The following TSNARE1 variants were observed in gnomAD, a reference collection of about 807,000 sequenced individuals.
The protein encoded by TSNARE1 is t-SNARE domain-containing protein 1.
A neutral mutation model predicts 62.0 loss-of-function variants in TSNARE1; 49 were observed. The ratio of observed to expected loss-of-function variants is 0.79; its 90% CI spans 0.63 to 1.00. The LOEUF (loss-of-function observed/expected upper bound fraction) is 1.00, where lower values mean the gene tolerates loss of function less well. Among genes scored for constraint, TSNARE1 ranks in the 50% least tolerant of loss-of-function variants. The pLI, the probability that TSNARE1 is intolerant of heterozygous loss-of-function variation, is 0.00. For missense variants in TSNARE1, 755 were observed against 700.1 expected (o/e 1.08, Z -0.88); for synonymous variants, 328 against 294.4 (o/e 1.11, Z -1.17).
intron 1 of TSNARE1, among the ~76,000 whole-genome samples, chr8:142,380,922 C>T (rs1836695523): frequency 6.6e-6 from 1 of 152,080 alleles, no homozygotes; most frequent in Admixed American, 6.5e-5. Flanking sequence ...CTTCCATTGC[C>T]CTTCTCTCCT....
chr8:142,367,612 G>C (rs1012526889), intron 1 of TSNARE1, among the ~76,000 whole-genome samples: 12 of 152,194 alleles, frequency 7.9e-5, no homozygotes, highest in African/African-American at 2.9e-4. Flanking sequence ...TGATAGTAAT[G>C]AATGTACAAC....
intron 10 of TSNARE1, among the ~76,000 whole-genome samples, chr8:142,294,357 C>CCCT (rs1824323669): frequency 6.6e-6 from 1 of 152,332 alleles, no homozygotes; most frequent in East Asian, 1.9e-4. Flanking sequence ...GTCCTTCACG[C>CCCT]CCTCACCCAC....
At chr8:142,293,136 C>T (rs1032130502) in intron 10 of TSNARE1, among the ~76,000 whole-genome samples, 4 of 152,214 alleles carry the variant, frequency 2.6e-5, no homozygotes, top group Non-Finnish European at 4.4e-5. Flanking sequence ...GCAGCCGCAC[C>T]GCAGGCCATC....
rs190684358 is a variant in TSNARE1 at position 142,215,135 on chromosome 8, G to A, written c.*12-2822C>T. Among the ~76,000 whole-genome samples, 462 of 152,310 alleles carry A rather than the reference G, an allele frequency of 3.0e-3. 1 individual carries two copies. Among genetic ancestry groups the A allele is most frequent in the Non-Finnish European group, 5.4e-3 (365 of 68,026 alleles). The stretch of plus-strand genomic sequence containing the variant: ...CCCGGGCCCAGGCCAGGGCCCGCAC[G>A]GACACCATGAATGCGTATTGATCGA... On this transcript the variant is annotated intron_variant, in intron 13 of 13. Transcript: ENST00000524325.
At chr8:142,275,582 C>T (rs1820334997) in intron 11 of TSNARE1, 2 of 985,396 alleles carry the variant, frequency 2.0e-6, no homozygotes, top group South Asian at 4.7e-5. Flanking sequence ...GCACCAGGAG[C>T]GCAGGCACAG....
chr8:142,377,008 G>A (rs1436202609), intron 1 of TSNARE1, among the ~76,000 whole-genome samples: 1 of 152,224 alleles, frequency 6.6e-6, no homozygotes, highest in Non-Finnish European at 1.5e-5. Flanking sequence ...CCACACCTCA[G>A]GCCTGCCCTC....
At position 142,311,289 on chromosome 8, in the gene TSNARE1, A is replaced by ATTTTTTTTTTTTTTTTTTT. The variant is rs1827542114; in HGVS notation, c.1131+3094_1131+3095insAAAAAAAAAAAAAAAAAAA. Among the ~76,000 whole-genome samples, 2 of 68,800 alleles carry ATTTTTTTTTTTTTTTTTTT rather than the reference A, an allele frequency of 2.9e-5. 1 individual carries two copies. Among genetic ancestry groups the ATTTTTTTTTTTTTTTTTTT allele is most frequent in the Non-Finnish European group, 5.2e-5 (2 of 38,806 alleles). 45.1% of individuals were successfully genotyped at this position (68,800 alleles called of 152,430 possible). ...GCGATTCTCCTGCCTCAGCCTCTCT[A>ATTTTTTTTTTTTTTTTTTT]GTTTTTTTTTTTTTTTTTTTTTTTT... On this transcript the variant is annotated intron_variant, in intron 9 of 13. Transcript: ENST00000524325.
intron 13 of TSNARE1, among the ~76,000 whole-genome samples, chr8:142,222,962 A>T (rs1268719047): frequency 1.8e-4 from 27 of 150,886 alleles, no homozygotes; most frequent in African/African-American, 6.4e-4. Flanking sequence ...CCACTCACTC[A>T]CTCATTCACT....
chr8:142,403,218 C>G (rs1404990081), upstream of TSNARE1: 1 of 150,694 alleles, frequency 6.6e-6, no homozygotes, highest in Non-Finnish European at 1.5e-5. Context: ...CGCGCCCCCT[C>G]CCGCACCAGC....
chr8:142,229,716 G>A, intron 12 of TSNARE1, 137 bp from the exon 13 acceptor site: 1 of 694,002 alleles, frequency 1.4e-6, no homozygotes, highest in Non-Finnish European at 2.5e-6. Context: ...GAGAGAACCT[G>A]TGTCTTTCAA....
intron 1 of TSNARE1, among the ~76,000 whole-genome samples, chr8:142,377,803 C>T (rs1243386561): frequency 6.6e-6 from 1 of 152,170 alleles, no homozygotes; most frequent in Non-Finnish European, 1.5e-5. Context: ...AAGCTGGAAG[C>T]ACTGGAAACA....
chr8:142,300,666 T>C (rs376261474), intron 9 of TSNARE1, 22 bp from the exon 10 acceptor site: 1 of 1,601,854 alleles, frequency 6.2e-7, no homozygotes, highest in Non-Finnish European at 8.5e-7. Flanking sequence ...AGACAGATCT[T>C]GTTAGCACTG....
Position 142,237,017 on chromosome 8 carries a change from G to C in TSNARE1, c.1447-7438C>G, listed in dbSNP as rs116868021. ...GAAGGGAAGAGCCCATGGTTATGAG[G>C]GGGGAGCTTTTTAGGCAATCAAAAG... On this transcript the variant is annotated intron_variant, in intron 12 of 13. Coordinates refer to ENST00000524325, the MANE Select transcript of TSNARE1 (RefSeq NM_145003.5). Among the ~76,000 whole-genome samples, 1,430 of 152,288 alleles carry C rather than the reference G, an allele frequency of 9.4e-3. 8 individuals are homozygous for C. Among genetic ancestry groups the C allele is most frequent in the Middle Eastern group, 0.017 (5 of 294 alleles).
At chr8:142,263,689 G>A (rs577637984) in intron 12 of TSNARE1, among the ~76,000 whole-genome samples, 122 of 152,310 alleles carry the variant, frequency 8.0e-4, no homozygotes, top group African/African-American at 2.6e-3. Context: ...AATGACTGAG[G>A]CTATTTAGAG....
At chr8:142,295,482 T>C (rs1824524729) in intron 10 of TSNARE1, among the ~76,000 whole-genome samples, 1 of 152,188 alleles carries the variant, frequency 6.6e-6, no homozygotes, top group African/African-American at 2.4e-5. Context: ...CGGGCCTGTC[T>C]GGCGGAGAGT....
At chr8:142,333,073 G>A (rs1033793534) in intron 4 of TSNARE1, among the ~76,000 whole-genome samples, 2 of 152,236 alleles carry the variant, frequency 1.3e-5, no homozygotes, top group African/African-American at 2.4e-5. Context: ...AATCCCCGGG[G>A]CCTCTGGGCC....
intron 10 of TSNARE1, among the ~76,000 whole-genome samples, chr8:142,292,673 A>T (rs1218476724): frequency 6.6e-6 from 1 of 152,134 alleles, no homozygotes; most frequent in Non-Finnish European, 1.5e-5. Context: ...AGGACAGGGA[A>T]GGAGAGCAGA....
intron 12 of TSNARE1, among the ~76,000 whole-genome samples, chr8:142,247,403 C>T (rs1752354266): frequency 6.6e-6 from 1 of 152,226 alleles, no homozygotes; most frequent in Admixed American, 6.5e-5. Context: ...TTACTTGGGA[C>T]CAGTGACCCC....
chr8:142,362,389 T>C (rs1263072214), intron 1 of TSNARE1, among the ~76,000 whole-genome samples: 1 of 152,172 alleles, frequency 6.6e-6, no homozygotes, highest in African/African-American at 2.4e-5. Context: ...TCGGCCTCTT[T>C]AGACTTCTCT....
Sources: gnomAD v4.1 joint callset for allele counts (sites outside exome capture counted in the v4.1 genomes callset) on GRCh38, gnomAD v4.1.1 for gene constraint, MANE v1.5 for transcripts, NCBI Gene and HGNC (gene_info 2026-07-23, HGNC 2026-07-21) for gene names.